Variants in HEMK2 observed in about 807,000 individuals in gnomAD.
HEMK2 encodes HemK methyltransferase 2, ETF1 glutamine and histone H4 lysine.
the HEMK2 span, among the ~76,000 whole-genome samples, chr21:28,862,702 A>G: frequency 6.6e-6 from 1 of 151,764 alleles, no homozygotes; most frequent in African/African-American, 2.4e-5. Context: ...GACCAACTGC[A>G]GAAAGAAGGA....
At chr21:28,767,668 G>A in the HEMK2 span, among the ~76,000 whole-genome samples, 32 of 152,056 alleles carry the variant, frequency 2.1e-4, no homozygotes, top group African/African-American at 1.9e-4. Flanking sequence ...ACACAGAGCC[G>A]AGAGGAGCAT....
the HEMK2 span, among the ~76,000 whole-genome samples, chr21:28,769,913 A>G: frequency 1.3e-5 from 2 of 152,126 alleles, no homozygotes; most frequent in Non-Finnish European, 2.9e-5. Flanking sequence ...CAAGGGTCAC[A>G]TTTTGACTAG....
the HEMK2 span, among the ~76,000 whole-genome samples, chr21:28,831,724 AAGGAAG>A: frequency 5.8e-5 from 8 of 138,786 alleles, no homozygotes; most frequent in Non-Finnish European, 1.1e-4. Context: ...GGAAGGAAGG[AAGGAAG>A]GAAGGAAAGA....
At chr21:28,815,863 T>C in the HEMK2 span, among the ~76,000 whole-genome samples, 3 of 152,156 alleles carry the variant, frequency 2.0e-5, no homozygotes, top group Non-Finnish European at 4.4e-5. Context: ...ATGGACTGCA[T>C]TATTATGGCC....
chr21:28,631,782 A>T, the HEMK2 span, among the ~76,000 whole-genome samples: 1 of 132,424 alleles, frequency 7.6e-6, no homozygotes, highest in African/African-American at 3.2e-5. Context: ...TGGAGTGAAG[A>T]CTTCAAGACT....
chr21:28,792,989 T>A, the HEMK2 span, among the ~76,000 whole-genome samples: 3 of 152,180 alleles, frequency 2.0e-5, no homozygotes, highest in East Asian at 5.8e-4. Context: ...CAACTTGGAT[T>A]TATAATTACC....
the HEMK2 span, among the ~76,000 whole-genome samples, chr21:28,672,594 G>A: frequency 1.3e-5 from 2 of 152,058 alleles, no homozygotes; most frequent in African/African-American, 4.8e-5. Flanking sequence ...CCAGGAGGTG[G>A]TCTTTCTCCT....
the HEMK2 span, among the ~76,000 whole-genome samples, chr21:28,876,950 A>G: frequency 3.3e-5 from 5 of 149,908 alleles, no homozygotes; most frequent in African/African-American, 7.4e-5. Context: ...TTCCTTATAA[A>G]TAAATAAAAC....
At chr21:28,661,501 G>C in the HEMK2 span, among the ~76,000 whole-genome samples, 1 of 151,998 alleles carries the variant, frequency 6.6e-6, no homozygotes, top group African/African-American at 2.4e-5. Flanking sequence ...ATGACTAAAA[G>C]TGCTAGGTTT....
chr21:28,632,367 G>C, the HEMK2 span, among the ~76,000 whole-genome samples: 1 of 152,186 alleles, frequency 6.6e-6, no homozygotes, highest in African/African-American at 2.4e-5. Context: ...CTCTAAATGA[G>C]ATCTCTACTA....
At chr21:28,676,632 G>T in the HEMK2 span, among the ~76,000 whole-genome samples, 3 of 152,168 alleles carry the variant, frequency 2.0e-5, no homozygotes, top group Non-Finnish European at 4.4e-5. Context: ...AGAAGTTCGC[G>T]CCTTTGCAGC....
At chr21:28,876,381 T>C in the HEMK2 span, 1 of 1,588,098 alleles carries the variant, frequency 6.3e-7, no homozygotes, top group Non-Finnish European at 8.6e-7. Context: ...GCACACACTG[T>C]ATGCTAAGAC....
chr21:28,817,260 T>C, the HEMK2 span, among the ~76,000 whole-genome samples: 1 of 152,170 alleles, frequency 6.6e-6, no homozygotes, highest in Admixed American at 6.5e-5. Flanking sequence ...CATTTTCAGA[T>C]ATGCAAGGAC....
the HEMK2 span, among the ~76,000 whole-genome samples, chr21:28,662,212 G>T: frequency 6.6e-6 from 1 of 152,100 alleles, no homozygotes; most frequent in African/African-American, 2.4e-5. Flanking sequence ...GCTGATACGT[G>T]TAAACTGTAC....
At chr21:28,726,869 T>A in the HEMK2 span, among the ~76,000 whole-genome samples, 10 of 130,284 alleles carry the variant, frequency 7.7e-5, no homozygotes, top group South Asian at 2.5e-4. Flanking sequence ...GGACCCTATC[T>A]AAAAAAAAAA....
chr21:28,694,061 T>C, the HEMK2 span, among the ~76,000 whole-genome samples: 1 of 152,226 alleles, frequency 6.6e-6, no homozygotes, highest in Non-Finnish European at 1.5e-5. Context: ...CATTACAATG[T>C]AATTACAGAG....
At chr21:28,580,464 C>T in the HEMK2 span, among the ~76,000 whole-genome samples, 5 of 152,036 alleles carry the variant, frequency 3.3e-5, no homozygotes, top group African/African-American at 1.2e-4. Context: ...CCCCACTCCC[C>T]ACCCATTTGA....
the HEMK2 span, among the ~76,000 whole-genome samples, chr21:28,716,176 T>C: frequency 6.6e-6 from 1 of 152,156 alleles, no homozygotes; most frequent in Non-Finnish European, 1.5e-5. Context: ...TAAAAAATTA[T>C]GTTGATAGTT....
At chr21:28,876,995 G>T in the HEMK2 span, among the ~76,000 whole-genome samples, 1 of 70,784 alleles carries the variant, frequency 1.4e-5, no homozygotes, top group Non-Finnish European at 2.6e-5. Context: ...GAGGGAGGGA[G>T]GGAGGGAGGG....
Sources: allele counts gnomAD v4.1 joint callset (sites outside exome capture counted in the v4.1 genomes callset), GRCh38; gene constraint gnomAD v4.1.1; transcripts MANE v1.5; gene names NCBI Gene and HGNC (gene_info 2026-07-23, HGNC 2026-07-21).